LLGL2: variants seen among roughly 807,000 people sequenced by gnomAD.
LLGL2 encodes LLGL2, scribble cell polarity complex component.
A neutral mutation model predicts 123.2 loss-of-function variants in LLGL2; 81 were observed. That is an observed-to-expected ratio of 0.66 (90% CI 0.55 to 0.79). LLGL2 has a LOEUF of 0.79. Among genes scored for constraint, LLGL2 ranks in the 30% least tolerant of loss-of-function variants. The pLI, the probability that LLGL2 is intolerant of heterozygous loss-of-function variation, is 0.00. For missense variants in LLGL2, 1,273 were observed against 1,414.6 expected, an observed-to-expected ratio of 0.90 and a Z score of 1.61; for synonymous variants, 577 against 594.1, an observed-to-expected ratio of 0.97 and a Z score of 0.42.
Position 75,558,381 on chromosome 17 carries a change from C to A in LLGL2, c.256-131C>A. ...AGACCTGGGACCCCCTCCCTTTCCACAGCTGGGGCTCATGGGCCACCCTGG... is the reference window on the plus strand; with the variant it reads ...AGACCTGGGACCCCCTCCCTTTCCAAAGCTGGGGCTCATGGGCCACCCTGG... On this transcript the variant is annotated intron_variant, in intron 4 of 25. Coordinates refer to ENST00000392550, the MANE Select transcript of LLGL2 (RefSeq NM_001031803.2). This position sits in a 1 kb window ranked among gnomAD's most constrained non-coding sequence, Gnocchi z 4.0. 1 of 1,146,456 alleles carries A rather than the reference C, an allele frequency of 8.7e-7. No individual in the cohort carries two copies. The highest frequency in any genetic ancestry group is 1.2e-6 in the Non-Finnish European group (1 of 812,714). The allele number at this position is 1,146,456 out of a possible 1,614,324, so 71.0% of individuals were successfully genotyped here.
chr17:75,536,496 G>A (rs1447774324), intron 1 of LLGL2, among the ~76,000 whole-genome samples: 1 of 152,156 alleles, frequency 6.6e-6, no homozygotes, highest in Non-Finnish European at 1.5e-5. Flanking sequence ...ACTATTCCGT[G>A]TCTCTAGGGG....
In LLGL2 at chr17:75,549,178, C is replaced by A. The variant is rs1444462332; in HGVS notation, c.75+5677C>A. On this transcript the variant is annotated intron_variant, in intron 2 of 25. Transcript: ENST00000392550. This position sits in a 1 kb window ranked among gnomAD's most constrained non-coding sequence, Gnocchi z 4.0. ...TTGCTATATATGGTGGGCCGTCAAG[C>A]CTATTGGAGGGATGGACAGACAGAC... Among the ~76,000 whole-genome samples, 1 of 151,960 alleles carries A rather than the reference C, an allele frequency of 6.6e-6. No homozygotes were observed. The highest frequency in any genetic ancestry group is 1.5e-5 in the Non-Finnish European group (1 of 68,014).
At chr17:75,542,618 A>G (rs1234865870) in intron 1 of LLGL2, 1 of 152,216 alleles carries the variant, frequency 6.6e-6, no homozygotes, top group Non-Finnish European at 1.5e-5. Flanking sequence ...TGGTTTCTTT[A>G]TTGGGAGCAG....
At chr17:75,536,083 G>A (rs2053991402) in intron 1 of LLGL2, among the ~76,000 whole-genome samples, 1 of 152,244 alleles carries the variant, frequency 6.6e-6, no homozygotes, top group Admixed American at 6.5e-5. Context: ...GAGCAGGGCA[G>A]AACAGGGAGG....
rs114781240 is a variant in LLGL2, at chr17:75,573,336, G to T, written c.2725+58G>T. 1.0e-3 allele frequency: 1,598 copies of T among 1,560,608 alleles called. 17 individuals are homozygous for T. In the African/African-American group the frequency reaches 0.019, roughly 19 times the overall value. On this transcript the variant is annotated intron_variant, in intron 20 of 25. Coordinates refer to ENST00000392550, the MANE Select transcript of LLGL2 (RefSeq NM_001031803.2). ...CCCGGGCACTGCACGGACGGGAAGG[G>T]TGGCCAGGGGTGTTGTGGCCACGGC...
chr17:75,526,394 T>A (rs543997088), intron 1 of LLGL2, among the ~76,000 whole-genome samples: 73 of 152,352 alleles, frequency 4.8e-4, no homozygotes. Flanking sequence ...CACCTTCACA[T>A]GACAGTGCGG....
At chr17:75,551,883 C>G (rs1273756389) in intron 2 of LLGL2, among the ~76,000 whole-genome samples, 5 of 152,168 alleles carry the variant, frequency 3.3e-5, no homozygotes, top group African/African-American at 7.2e-5. Context: ...AATCCCAGAA[C>G]TTTGGGAGGT....
intron 10 of LLGL2, among the ~76,000 whole-genome samples, chr17:75,565,256 C>G (rs2055395242): frequency 6.6e-6 from 1 of 152,342 alleles, no homozygotes; most frequent in African/African-American, 2.4e-5. Flanking sequence ...GTGTGACAGG[C>G]AAGACCAGAA....
chr17:75,552,321 T>C (rs1018055237), intron 2 of LLGL2, among the ~76,000 whole-genome samples: 4 of 151,516 alleles, frequency 2.6e-5, no homozygotes, highest in African/African-American at 9.7e-5. Context: ...AAACCCCGTC[T>C]CTACTAAAAA....
At chr17:75,555,597 G>A (rs973157171) in intron 2 of LLGL2, among the ~76,000 whole-genome samples, 1 of 152,086 alleles carries the variant, frequency 6.6e-6, no homozygotes, top group Non-Finnish European at 1.5e-5. Flanking sequence ...GGCCTCCGCG[G>A]TACTCTAGGC....
chr17:75,575,043 C>A lies in LLGL2; in HGVS notation c.*165C>A. The A allele has an allele frequency of 1.0e-6, 1 of 954,500 alleles. No individual in the cohort carries two copies. Among genetic ancestry groups the A allele is most frequent in the East Asian group, 2.4e-5 (1 of 40,830 alleles). 59.1% of individuals were successfully genotyped at this position (954,500 alleles called of 1,614,324 possible). ...CTGGGCCTCGGGAGAGGAGAGACCCCAGTCCCCTGGGCTGCCCTTCCCGGG... is the reference window on the plus strand; with the variant it reads ...CTGGGCCTCGGGAGAGGAGAGACCCAAGTCCCCTGGGCTGCCCTTCCCGGG... On this transcript the variant is annotated 3_prime_UTR_variant, in exon 26 of 26. Transcript: ENST00000392550.
chr17:75,526,998 TC>T (rs574644583), intron 1 of LLGL2, among the ~76,000 whole-genome samples: 246 of 151,598 alleles, frequency 1.6e-3, no homozygotes, highest in Non-Finnish European at 2.5e-3. Context: ...TGAGACCTCG[TC>T]TCTGCAAATA....
intron 1 of LLGL2, among the ~76,000 whole-genome samples, chr17:75,532,048 GTATA>G (rs199921029): frequency 9.4e-5 from 9 of 95,554 alleles, no homozygotes; most frequent in African/African-American, 3.0e-4. Context: ...TTATATATAT[GTATA>G]TATACACACA....
rs536882677 is a variant in LLGL2 at position 75,574,377 on chromosome 17, G to T, written c.2954-76G>T. The stretch of plus-strand genomic sequence containing the variant: ...GGGGTACAGATCCATGGGCACCCAC[G>T]GAGAAAGGGGGTGGAAGGGCTGTGG... On this transcript the variant is annotated intron_variant, in intron 23 of 25. Coordinates refer to ENST00000392550, the MANE Select transcript of LLGL2 (RefSeq NM_001031803.2). 5.2e-6 allele frequency: 8 copies of T among 1,538,276 alleles called. No individual in the cohort carries two copies. The African/African-American group carries it at 9.6e-5, about 18-fold the overall frequency.
Position 75,559,325 on chromosome 17 carries a change from G to A in LLGL2, c.445G>A (p.Glu149Lys), listed in dbSNP as rs376753735. 1.2e-4 allele frequency: 199 copies of A among 1,613,492 alleles called. No homozygotes were observed. The highest frequency in any genetic ancestry group is 2.2e-4 in the Admixed American group (13 of 59,960). Residue 149 changes from glutamate (E) to lysine (K), a missense_variant, in exon 6 of 26, where the codon GAG becomes AAG. By Grantham distance (56) the Glu-to-Lys change is moderately conservative. Transcript: ENST00000392550. This position sits in a 1 kb window ranked among gnomAD's most constrained non-coding sequence, Gnocchi z 4.6. ...SSCELLYLGT[E>K]SGNVFVVQLP... ...CTGCGAGCTGCTCTACCTGGGCACC[G>A]AGAGTGGCAACGTGTTTGTGGTGCA...
intron 17 of LLGL2, 193 bp from the exon 18 acceptor site, chr17:75,571,474 G>T (rs1319687970): frequency 3.4e-6 from 2 of 596,294 alleles, no homozygotes; most frequent in African/African-American, 1.9e-5. Context: ...CTCCCTGGCT[G>T]GTTCTCCCCT....
rs896694150 is a variant in LLGL2 at position 75,575,091 on chromosome 17, G to T, written c.*213G>T. On this transcript the variant is annotated 3_prime_UTR_variant, in exon 26 of 26. Coordinates refer to ENST00000392550, the MANE Select transcript of LLGL2 (RefSeq NM_001031803.2). ...GGGCCTCGTCTGTCTGGGTCCTTTG[G>T]TCAATGTTGCACAGTTTTTATTGCT... The T allele has an allele frequency of 3.1e-6, 2 of 636,708 alleles. No individual in the cohort carries two copies. Among genetic ancestry groups the T allele is most frequent in the Admixed American group, 5.2e-5 (2 of 38,122 alleles). 39.4% of individuals were successfully genotyped at this position (636,708 alleles called of 1,614,324 possible). A position where few individuals can be genotyped will look rare whatever the true frequency, so the allele number is the denominator to read the frequency against.
chr17:75,566,760 G>A (rs1254601588), intron 10 of LLGL2, among the ~76,000 whole-genome samples: 3 of 152,136 alleles, frequency 2.0e-5, no homozygotes, highest in African/African-American at 4.8e-5. Context: ...TCCTGGAGAA[G>A]GTAGTGGCAA....
chr17:75,529,815 C>T (rs1367125184), intron 1 of LLGL2, among the ~76,000 whole-genome samples: 2 of 151,768 alleles, frequency 1.3e-5, no homozygotes, highest in East Asian at 2.0e-4. Flanking sequence ...GAGCCGAGAT[C>T]GCGCCACTGC....
Sources: allele counts gnomAD v4.1 joint callset (sites outside exome capture counted in the v4.1 genomes callset), GRCh38; gene constraint gnomAD v4.1.1; non-coding constraint Gnocchi (gnomAD v3.1); transcripts MANE v1.5; gene names NCBI Gene and HGNC (gene_info 2026-07-23, HGNC 2026-07-21).